Variants in LRRC4C observed in about 807,000 individuals in gnomAD.
The protein encoded by LRRC4C is leucine-rich repeat-containing protein 4C.
A neutral mutation model predicts 33.6 loss-of-function variants in LRRC4C; 5 were observed. The ratio of observed to expected loss-of-function variants is 0.15; its 90% CI spans 0.08 to 0.31. The LOEUF (loss-of-function observed/expected upper bound fraction) is 0.31. Ranked by LOEUF, LRRC4C falls within the 10% of genes least tolerant of loss-of-function variation. The probability of loss-of-function intolerance (pLI) is 1.00; values close to 1 mark genes in which losing one functional copy is unlikely to be tolerated. For missense variants in LRRC4C, 560 were observed against 796.7 expected (o/e 0.70, Z 3.58); for synonymous variants, 329 against 302.0 (o/e 1.09, Z -0.93).
intron 3 of LRRC4C, among the ~76,000 whole-genome samples, chr11:40,396,502 A>G (rs2137501976): frequency 6.6e-6 from 1 of 152,258 alleles, no homozygotes; most frequent in African/African-American, 2.4e-5. Flanking sequence ...CTCAAACTGA[A>G]AATGTTTGGA....
intron 1 of LRRC4C, among the ~76,000 whole-genome samples, chr11:41,288,388 G>C (rs893429319): frequency 1.7e-4 from 26 of 152,146 alleles, no homozygotes; most frequent in African/African-American, 6.3e-4. Flanking sequence ...CAATCTTTCT[G>C]AGTAAGAATT....
chr11:41,311,675 G>A lies in LRRC4C; in HGVS notation c.-496+147756C>T, dbSNP rs371350343. 5.0e-3 allele frequency among the ~76,000 whole-genome samples: 761 copies of A among 152,252 alleles called. 3 individuals carry two copies. Among genetic ancestry groups the A allele is most frequent in the Middle Eastern group, 0.034 (10 of 294 alleles). The stretch of plus-strand genomic sequence containing the variant: ...AAACTCACAGAAATTCCTTGTAGAG[G>A]CAGTGATCTAATATTGTATCATTAT... On this transcript the variant is annotated intron_variant, in intron 1 of 6. Coordinates refer to ENST00000528697, the MANE Select transcript of LRRC4C (RefSeq NM_001258419.2).
At chr11:40,581,745 T>C (rs1958476209) in intron 3 of LRRC4C, among the ~76,000 whole-genome samples, 1 of 151,766 alleles carries the variant, frequency 6.6e-6, no homozygotes, top group South Asian at 2.1e-4. Context: ...CTACTAAAAA[T>C]ACAAAAAATT....
chr11:41,384,299 T>C (rs1953269812), intron 1 of LRRC4C, among the ~76,000 whole-genome samples: 1 of 151,978 alleles, frequency 6.6e-6, no homozygotes, highest in Non-Finnish European at 1.5e-5. Context: ...TATGCTAGTC[T>C]CTTTTATTTA....
intron 1 of LRRC4C, among the ~76,000 whole-genome samples, chr11:40,977,017 G>A (rs1161145316): frequency 3.3e-5 from 5 of 152,106 alleles, no homozygotes; most frequent in African/African-American, 1.2e-4. Context: ...TAGCTAGATG[G>A]TCCCATCTGG....
chr11:40,689,558 A>T (rs932817354), intron 2 of LRRC4C, among the ~76,000 whole-genome samples: 21 of 152,094 alleles, frequency 1.4e-4, no homozygotes, highest in African/African-American at 5.1e-4. Context: ...TACTACAGAG[A>T]GCTCTAAATT....
chr11:40,983,036 G>T (rs943402553), intron 1 of LRRC4C, among the ~76,000 whole-genome samples: 4 of 152,128 alleles, frequency 2.6e-5, no homozygotes, highest in African/African-American at 9.7e-5. Flanking sequence ...GTATTCCATG[G>T]TGTATCATGT....
intron 2 of LRRC4C, among the ~76,000 whole-genome samples, chr11:40,867,536 A>G (rs907445602): frequency 4.6e-5 from 7 of 152,224 alleles, no homozygotes; most frequent in Admixed American, 4.6e-4. Context: ...ACTTCTGAAA[A>G]GTAGAAATAA....
chr11:40,182,632 T>C (rs1861098069), intron 5 of LRRC4C, among the ~76,000 whole-genome samples: 1 of 152,180 alleles, frequency 6.6e-6, no homozygotes, highest in South Asian at 2.1e-4. Flanking sequence ...CACAGCCACA[T>C]TTACAATATG....
chr11:41,382,351 A>C (rs1206290391), intron 1 of LRRC4C, among the ~76,000 whole-genome samples: 1 of 152,222 alleles, frequency 6.6e-6, no homozygotes, highest in Admixed American at 6.5e-5. Context: ...TTGTAAACCC[A>C]GCAAAAGTAG....
At chr11:40,162,265 T>G (rs1338061828) in intron 5 of LRRC4C, among the ~76,000 whole-genome samples, 3 of 152,168 alleles carry the variant, frequency 2.0e-5, no homozygotes, top group Admixed American at 2.0e-4. Flanking sequence ...CTTCATTAGC[T>G]CATAGGCATC....
At chr11:41,449,016 C>A (rs1955930247) in intron 1 of LRRC4C, among the ~76,000 whole-genome samples, 1 of 152,122 alleles carries the variant, frequency 6.6e-6, no homozygotes, top group Non-Finnish European at 1.5e-5. Flanking sequence ...CCAGAGTTTG[C>A]AGATTGGGAA....
intron 3 of LRRC4C, among the ~76,000 whole-genome samples, chr11:40,572,597 A>C (rs1958026928): frequency 1.3e-5 from 2 of 152,200 alleles, no homozygotes; most frequent in African/African-American, 4.8e-5. Context: ...ATGTATCAGA[A>C]GTGAGTTACA....
intron 1 of LRRC4C, among the ~76,000 whole-genome samples, chr11:40,954,535 TG>T (rs1363647950): frequency 6.6e-6 from 1 of 151,882 alleles, no homozygotes; most frequent in East Asian, 1.9e-4. Context: ...CTTGGATTCT[TG>T]GTATTATAAG....
intron 2 of LRRC4C, among the ~76,000 whole-genome samples, chr11:40,914,155 T>C (rs944867332): frequency 1.3e-5 from 2 of 152,062 alleles, no homozygotes; most frequent in South Asian, 4.1e-4. Flanking sequence ...TGATACTATT[T>C]CAATCAATAG....
At chr11:41,365,263 A>T (rs1952494348) in intron 1 of LRRC4C, among the ~76,000 whole-genome samples, 1 of 151,950 alleles carries the variant, frequency 6.6e-6, no homozygotes, top group Admixed American at 6.6e-5. Context: ...GCTCCTTATG[A>T]GAATCTAATG....
At chr11:40,648,665 T>C (rs1003557941) in intron 2 of LRRC4C, among the ~76,000 whole-genome samples, 3 of 152,186 alleles carry the variant, frequency 2.0e-5, no homozygotes, top group African/African-American at 4.8e-5. Context: ...GTGAATTGCT[T>C]TTACATGTAT....
chr11:40,585,766 T>G (rs1958704103), intron 3 of LRRC4C, among the ~76,000 whole-genome samples: 1 of 140,046 alleles, frequency 7.1e-6, no homozygotes, highest in East Asian at 2.1e-4. Flanking sequence ...AATGATGATT[T>G]CCAATTTCAT....
intron 2 of LRRC4C, among the ~76,000 whole-genome samples, chr11:40,699,252 C>A (rs1023549663): frequency 6.6e-6 from 1 of 152,092 alleles, no homozygotes; most frequent in Non-Finnish European, 1.5e-5. Flanking sequence ...TAGTCATAGA[C>A]CTATTACAAA....
Sources: allele counts gnomAD v4.1 joint callset (sites outside exome capture counted in the v4.1 genomes callset), GRCh38; gene constraint gnomAD v4.1.1; transcripts MANE v1.5; gene names NCBI Gene and HGNC (gene_info 2026-07-23, HGNC 2026-07-21).